GREB1L: variants seen among roughly 807,000 people sequenced by gnomAD.
GREB1L encodes GREB1-like protein.
Under a neutral mutation model 200.8 loss-of-function variants are expected in GREB1L, and 17 were observed. The observed-to-expected ratio is 0.08, with a 90% CI of 0.06 to 0.13. The LOEUF (loss-of-function observed/expected upper bound fraction) is 0.13, where lower values mean the gene tolerates loss of function less well. Among genes scored for constraint, GREB1L ranks in the 10% least tolerant of loss-of-function variants. The pLI is 1.00. For missense variants in GREB1L, 1,657 were observed against 2,367.7 expected (o/e 0.70, Z 6.23); for synonymous variants, 789 against 893.0 (o/e 0.88, Z 2.08).
intron 1 of GREB1L, among the ~76,000 whole-genome samples, chr18:21,281,249 T>G (rs1339006629): frequency 6.6e-6 from 1 of 152,210 alleles, no homozygotes; most frequent in Non-Finnish European, 1.5e-5. Flanking sequence ...GTGTGGTTTA[T>G]TGTGTAAAAC....
At chr18:21,323,392 T>A (rs1467149830) in intron 1 of GREB1L, among the ~76,000 whole-genome samples, 1 of 152,180 alleles carries the variant, frequency 6.6e-6, no homozygotes, top group African/African-American at 2.4e-5. Context: ...AAGGGCTAAT[T>A]ATCCTGACTT....
Position 21,518,078 on chromosome 18 carries a change from T to C in GREB1L, c.5316T>C (p.Cys1772=), listed in dbSNP as rs2037485051. The C allele has an allele frequency of 2.6e-6, 4 of 1,551,648 alleles. No individual in the cohort carries two copies. In the East Asian group the frequency reaches 7.3e-5, roughly 28 times the overall value. The part of the protein sequence containing the change: ...LAPILPLQYI[C]APDSEHTLLA... ...CCATCTTGCCCCTTCAATACATCTGTGCTCCCGACAGTGAACACACACTAC... is the reference window on the plus strand; with the variant it reads ...CCATCTTGCCCCTTCAATACATCTGCGCTCCCGACAGTGAACACACACTAC... The change falls in exon 31 of 33, where the codon TGT becomes TGC. Residue 1772 remains cysteine, a synonymous_variant. Coordinates refer to ENST00000424526, the MANE Select transcript of GREB1L (RefSeq NM_001142966.3).
At chr18:21,266,124 G>C (rs1225696490) in intron 1 of GREB1L, among the ~76,000 whole-genome samples, 1 of 152,124 alleles carries the variant, frequency 6.6e-6, no homozygotes. Flanking sequence ...TATGTCTCAA[G>C]GTCTGGCTCA....
intron 11 of GREB1L, among the ~76,000 whole-genome samples, chr18:21,447,975 C>T (rs1349557819): frequency 1.3e-5 from 2 of 151,924 alleles, no homozygotes; most frequent in African/African-American, 4.8e-5. Context: ...GCAGTCTGGC[C>T]AACATGGTGA....
chr18:21,325,382 T>C (rs1419612023), intron 1 of GREB1L, among the ~76,000 whole-genome samples: 1 of 152,224 alleles, frequency 6.6e-6, no homozygotes, highest in African/African-American at 2.4e-5. Flanking sequence ...TGTACATCTC[T>C]TCTATGCTCG....
intron 7 of GREB1L, among the ~76,000 whole-genome samples, chr18:21,423,437 C>T (rs1392362797): frequency 7.2e-5 from 11 of 152,090 alleles, no homozygotes. Flanking sequence ...GAGAAATAAT[C>T]CTTGGAAGCA....
At chr18:21,410,212 A>G (rs1406367799) in intron 7 of GREB1L, among the ~76,000 whole-genome samples, 2 of 152,076 alleles carry the variant, frequency 1.3e-5, no homozygotes, top group East Asian at 1.9e-4. Context: ...CACTAATAGT[A>G]TGGCTTTTAG....
chr18:21,319,183 T>C (rs2038915637), intron 1 of GREB1L, among the ~76,000 whole-genome samples: 1 of 152,242 alleles, frequency 6.6e-6, no homozygotes, highest in African/African-American at 2.4e-5. Flanking sequence ...TGGCTGTTTC[T>C]TCACTTCCAG....
chr18:21,460,447 G>A (rs2145554416), intron 15 of GREB1L, among the ~76,000 whole-genome samples: 2 of 152,290 alleles, frequency 1.3e-5, no homozygotes, highest in African/African-American at 4.8e-5. Context: ...CCGGGTTCAA[G>A]CGATTCTCCT....
intron 1 of GREB1L, among the ~76,000 whole-genome samples, chr18:21,245,883 A>T (rs1373572900): frequency 6.6e-6 from 1 of 151,668 alleles, no homozygotes; most frequent in African/African-American, 2.4e-5. Flanking sequence ...ACGCCTGGCT[A>T]ATTTTTTGTA....
intron 18 of GREB1L, among the ~76,000 whole-genome samples, chr18:21,488,551 C>A (rs2036211376): frequency 6.6e-6 from 1 of 152,166 alleles, no homozygotes; most frequent in Non-Finnish European, 1.5e-5. Context: ...AAATGGCAAC[C>A]AGAAAGAAAG....
intron 1 of GREB1L, among the ~76,000 whole-genome samples, chr18:21,294,346 T>A (rs118134191): frequency 6.6e-6 from 1 of 151,970 alleles, no homozygotes; most frequent in Non-Finnish European, 1.5e-5. Flanking sequence ...CCAATACAGG[T>A]CCCTATAAAA....
intron 2 of GREB1L, among the ~76,000 whole-genome samples, chr18:21,377,750 AAAT>A (rs1464130449): frequency 3.9e-5 from 6 of 152,084 alleles, no homozygotes; most frequent in African/African-American, 1.2e-4. Flanking sequence ...TCTCTACTAA[AAAT>A]ACAAACATTA....
intron 4 of GREB1L, among the ~76,000 whole-genome samples, chr18:21,389,855 G>A (rs1204848667): frequency 3.3e-5 from 5 of 152,110 alleles, no homozygotes; most frequent in Admixed American, 2.0e-4. Context: ...GCAGGGGCTG[G>A]TGTATCAAAT....
At chr18:21,380,788 T>C (rs1230177037) in intron 2 of GREB1L, 1 of 152,210 alleles carries the variant, frequency 6.6e-6, no homozygotes, top group Non-Finnish European at 1.5e-5. Flanking sequence ...ATTGTTAGTA[T>C]TAGAACCCAT....
Position 21,270,648 on chromosome 18 carries a change from A to G in GREB1L, c.-120+28255A>G, listed in dbSNP as rs577144170. Among the ~76,000 whole-genome samples the G allele has an allele frequency of 1.1e-4, 16 of 152,334 alleles. No individual in the cohort carries two copies. The East Asian group carries it at 2.9e-3, about 28-fold the overall frequency. On this transcript the variant is annotated intron_variant, in intron 1 of 32. Coordinates refer to ENST00000424526, the MANE Select transcript of GREB1L (RefSeq NM_001142966.3). ...AACAACTAAGCTGTGATGTTGTTTT[A>G]ACCCTGCCTAAAATCCAAGGAGTCC...
intron 7 of GREB1L, among the ~76,000 whole-genome samples, chr18:21,427,564 C>T (rs1053317059): frequency 6.6e-6 from 1 of 152,114 alleles, no homozygotes; most frequent in Non-Finnish European, 1.5e-5. Flanking sequence ...ATAAGTTTTA[C>T]ACTTCTTTTG....
At chr18:21,330,618 G>A (rs1355425133) in intron 1 of GREB1L, among the ~76,000 whole-genome samples, 1 of 152,194 alleles carries the variant, frequency 6.6e-6, no homozygotes, top group Non-Finnish European at 1.5e-5. Flanking sequence ...ACCCATGGAA[G>A]TGGCAAGTAC....
At chr18:21,473,483 T>G (rs1310236248) in intron 16 of GREB1L, among the ~76,000 whole-genome samples, 1 of 149,976 alleles carries the variant, frequency 6.7e-6, no homozygotes, top group African/African-American at 2.5e-5. Context: ...GCAGGAGAAT[T>G]GTTTGAACCC....
Sources: gnomAD v4.1 joint callset for allele counts (sites outside exome capture counted in the v4.1 genomes callset) on GRCh38, gnomAD v4.1.1 for gene constraint, MANE v1.5 for transcripts, NCBI Gene and HGNC (gene_info 2026-07-23, HGNC 2026-07-21) for gene names.